SEL1L3: variants seen among roughly 807,000 people sequenced by gnomAD.
SEL1L3 encodes protein sel-1 homolog 3.
SEL1L3 carries 76 observed loss-of-function variants against 142.8 expected under a neutral mutation model. The ratio of observed to expected loss-of-function variants is 0.53; its 90% confidence interval spans 0.44 to 0.64. The LOEUF is 0.64. SEL1L3 is among the 30% of genes least tolerant of loss of function. The probability of loss-of-function intolerance (pLI) is 0.00; values close to 1 mark genes in which losing one functional copy is unlikely to be tolerated. For missense variants in SEL1L3, 1,262 were observed against 1,381.7 expected (o/e 0.91, Z 1.37); for synonymous variants, 504 against 519.6 (o/e 0.97, Z 0.41).
At chr4:25,793,872 G>T (rs1577613498) in intron 11 of SEL1L3, among the ~76,000 whole-genome samples, 1 of 152,120 alleles carries the variant, frequency 6.6e-6, no homozygotes. Context: ...ACCTCATAAG[G>T]TTGCATGAGG....
intron 11 of SEL1L3, among the ~76,000 whole-genome samples, chr4:25,792,771 C>A (rs1712444179): frequency 6.6e-6 from 1 of 152,212 alleles, no homozygotes; most frequent in African/African-American, 2.4e-5. Flanking sequence ...AAGTAGCTGG[C>A]CCAAGGCCCA....
chr4:25,820,090 G>T (rs957231212), intron 7 of SEL1L3, 150 bp from the exon 8 acceptor site: 3 of 682,830 alleles, frequency 4.4e-6, no homozygotes, highest in African/African-American at 3.7e-5. Flanking sequence ...GATTTGCAAA[G>T]CAAGGTCATT....
chr4:25,767,640 C>A (rs367566084), intron 18 of SEL1L3, 31 bp from the exon 19 acceptor site: 1 of 1,530,868 alleles, frequency 6.5e-7, no homozygotes, highest in South Asian at 1.2e-5. Context: ...AAAGTTAATT[C>A]ATTAATATTT....
intron 1 of SEL1L3, among the ~76,000 whole-genome samples, chr4:25,849,695 T>A (rs924304472): frequency 2.0e-5 from 3 of 152,186 alleles, no homozygotes; most frequent in Non-Finnish European, 4.4e-5. Flanking sequence ...TGCTTGCATA[T>A]TTTTACCACA....
intron 4 of SEL1L3, 40 bp downstream of exon 4, chr4:25,833,408 A>G (rs1157249705): frequency 4.4e-6 from 7 of 1,585,416 alleles, no homozygotes; most frequent in Admixed American, 1.8e-5. Flanking sequence ...GAGCATTACA[A>G]AATTACAATA....
chr4:25,727,640 A>G, the SEL1L3 span, among the ~76,000 whole-genome samples: 1 of 152,060 alleles, frequency 6.6e-6, no homozygotes, highest in Admixed American at 6.6e-5. Context: ...TCCTGCCCAA[A>G]GTCTCCTCTT....
At position 25,833,129 on chromosome 4, in the gene SEL1L3, C is replaced by T; in HGVS notation, c.983-19G>A. On this transcript the variant is annotated intron_variant, in intron 4 of 23. Coordinates refer to ENST00000399878, the MANE Select transcript of SEL1L3 (RefSeq NM_015187.5). The stretch of plus-strand genomic sequence containing the variant: ...AAATAGCCTAAAAGGAAAATTCGAG[C>T]ACATGAAAATGAGCAAAAAATATCT... 1.4e-6 allele frequency: 2 copies of T among 1,445,656 alleles called. No homozygotes were observed. Among genetic ancestry groups the T allele is most frequent in the Non-Finnish European group, 1.9e-6 (2 of 1,027,332 alleles). The allele number at this position is 1,445,656 out of a possible 1,614,324, so 89.6% of individuals were successfully genotyped here.
At chr4:25,808,696 A>G (rs902362144) in intron 9 of SEL1L3, among the ~76,000 whole-genome samples, 1 of 152,164 alleles carries the variant, frequency 6.6e-6, no homozygotes, top group Non-Finnish European at 1.5e-5. Flanking sequence ...GTTTGTAAAA[A>G]CACAGGGCAT....
chr4:25,831,491 A>AAATAATAATAAT (rs1174295839), intron 5 of SEL1L3, among the ~76,000 whole-genome samples: 5 of 134,830 alleles, frequency 3.7e-5, no homozygotes, highest in East Asian at 2.1e-4. Flanking sequence ...AATTATTTTT[A>AAATAATAATAAT]AATAATAATA....
rs556223654 is a variant in SEL1L3, at chr4:25,856,182, C to T, written c.162+6493G>A. Among the ~76,000 whole-genome samples the T allele has an allele frequency of 1.1e-4, 16 of 152,304 alleles. No homozygotes were observed. In the East Asian group the frequency reaches 1.9e-3, roughly 18 times the overall value. On this transcript the variant is annotated intron_variant, in intron 1 of 23. Transcript: ENST00000399878. ...TAAATTTTTAAGATTTCTCATCCCT[C>T]GACCCTCTGCTGAATTCCTGTTCAT...
chr4:25,794,712 G>A (rs1205004966), intron 11 of SEL1L3, among the ~76,000 whole-genome samples: 1 of 152,130 alleles, frequency 6.6e-6, no homozygotes, highest in African/African-American at 2.4e-5. Context: ...TCCCATTACC[G>A]GGTATATATC....
At chr4:25,822,917 T>C (rs1256671962) in intron 6 of SEL1L3, among the ~76,000 whole-genome samples, 1 of 152,186 alleles carries the variant, frequency 6.6e-6, no homozygotes, top group Non-Finnish European at 1.5e-5. Context: ...TTTTTCACTA[T>C]GCAACTAAAA....
At chr4:25,786,933 C>G (rs996039501) in intron 13 of SEL1L3, among the ~76,000 whole-genome samples, 1 of 152,190 alleles carries the variant, frequency 6.6e-6, no homozygotes, top group African/African-American at 2.4e-5. Context: ...GTGGCCACAG[C>G]TGTGTTCTGG....
the SEL1L3 span, among the ~76,000 whole-genome samples, chr4:25,715,327 A>C: frequency 6.6e-6 from 1 of 152,232 alleles, no homozygotes; most frequent in African/African-American, 2.4e-5. Context: ...CACGCTCTCA[A>C]TTTTTAAAAA....
chr4:25,862,923 C>T lies in SEL1L3; in HGVS notation c.-87G>A. The T allele has an allele frequency of 3.3e-6, 3 of 919,442 alleles. No individual in the cohort carries two copies. The highest frequency in any genetic ancestry group is 1.8e-5 in the African/African-American group (1 of 55,164). The allele number at this position is 919,442 out of a possible 1,614,324, so 57.0% of individuals were successfully genotyped here. On this transcript the variant is annotated 5_prime_UTR_variant, in exon 1 of 24. Coordinates refer to ENST00000399878, the MANE Select transcript of SEL1L3 (RefSeq NM_015187.5). The stretch of plus-strand genomic sequence containing the variant: ...GAGGCGCCACCTTCCCGCCCGCCCC[C>T]GGCCGGGCCGGCCGCCGCGCGCGGG...
chr4:25,726,623 G>C, the SEL1L3 span, among the ~76,000 whole-genome samples: 11 of 152,110 alleles, frequency 7.2e-5, no homozygotes, highest in South Asian at 1.9e-3. Context: ...AGTGAGTCTG[G>C]CTTCTGAGAG....
intron 13 of SEL1L3, among the ~76,000 whole-genome samples, 167 bp from the exon 14 acceptor site, chr4:25,784,457 CATT>C (rs528820475): frequency 1.6e-4 from 24 of 152,264 alleles, no homozygotes; most frequent in African/African-American, 5.8e-4. Flanking sequence ...TTATCATCAT[CATT>C]ATTATTTTGC....
chr4:25,755,362 C>G (rs1229060254), intron 23 of SEL1L3, among the ~76,000 whole-genome samples: 1 of 152,054 alleles, frequency 6.6e-6, no homozygotes, highest in African/African-American at 2.4e-5. Context: ...CTGGGCCTGT[C>G]AAAATGTTGG....
At chr4:25,751,819 T>C (rs945868572) in intron 23 of SEL1L3, among the ~76,000 whole-genome samples, 1 of 151,790 alleles carries the variant, frequency 6.6e-6, no homozygotes, top group Non-Finnish European at 1.5e-5. Context: ...CTTTAAAAAA[T>C]AGTTGAATGG....
Sources: gnomAD v4.1 joint callset for allele counts (sites outside exome capture counted in the v4.1 genomes callset) on GRCh38, gnomAD v4.1.1 for gene constraint, MANE v1.5 for transcripts, NCBI Gene and HGNC (gene_info 2026-07-23, HGNC 2026-07-21) for gene names.